The following ZNF628 variants were observed in gnomAD, a reference collection of about 807,000 sequenced individuals.
ZNF628 encodes zinc finger protein 628.
A neutral mutation model predicts 2.5 loss-of-function variants in ZNF628; 3 were observed. The observed-to-expected ratio is 1.19, with a 90% confidence interval of 0.54 to 3.07. ZNF628 has a LOEUF of 3.07. Ranked by LOEUF, ZNF628 falls within the 30% of genes most tolerant of loss-of-function variation. The pLI is 0.03. For missense variants in ZNF628, 1,610 were observed against 1,517.1 expected (o/e 1.06, Z -1.02); for synonymous variants, 861 against 717.1 (o/e 1.20, Z -3.21).
In ZNF628 at chr19:55,482,912, G is replaced by A; in HGVS notation, c.1719G>A (p.Lys573=). 1 of 1,609,060 alleles carries A rather than the reference G, an allele frequency of 6.2e-7. No individual in the cohort carries two copies. Among genetic ancestry groups the A allele is most frequent in the Non-Finnish European group, 8.5e-7 (1 of 1,178,652 alleles). ...CCCACGCCTGCGGTGTCTGCGGCAA[G>A]AGCTTCGCGCAGACCTCCAACCTGC... ...ERPHACGVCG[K]SFAQTSNLRQ... The change falls in exon 3 of 3, where the codon AAG becomes AAA. Residue 573 remains lysine, a synonymous_variant. Transcript: ENST00000598519.
rs1482771093 is a variant in ZNF628, at chr19:55,481,807, G to A, written c.614G>A (p.Arg205His). ...GTGCACACGGGCGAGCGGCCCTTCC[G>A]CTGCCCGCTCTGCCCCAAGACCTTC... The part of the protein sequence containing the change: ...QRVHTGERPF[R>H]CPLCPKTFTH... The change falls in exon 3 of 3, where the codon CGC becomes CAC. Residue 205 changes from arginine to histidine, a missense_variant. Arg to His is a conservative substitution (Grantham distance 29, BLOSUM62 0). This residue lies in a region of ZNF628 where 651 missense variants were observed against 575.6 expected (regional missense o/e 1.13). Transcript: ENST00000598519. 6.2e-7 allele frequency: 1 copy of A among 1,601,678 alleles called. No homozygotes were observed. The highest frequency in any genetic ancestry group is 1.1e-5 in the South Asian group (1 of 89,880).
Position 55,482,719 on chromosome 19 carries a change from C to T in ZNF628, c.1526C>T (p.Ala509Val), listed in dbSNP as rs1396184353. ...CAGCGGGTGCACACGGGCCTGCGGGCCTTCACCTGTGGCCAGTGCGGCCTC... is the reference window on the plus strand; with the variant it reads ...CAGCGGGTGCACACGGGCCTGCGGGTCTTCACCTGTGGCCAGTGCGGCCTC... ...IHQRVHTGLR[A>V]FTCGQCGLTF... Residue 509 changes from alanine (A) to valine (V), a missense_variant, in exon 3 of 3, where the codon GCC (alanine) becomes GTC (valine). Ala to Val is a moderately conservative substitution (Grantham distance 64). This residue lies in a region of ZNF628 where 651 missense variants were observed against 575.6 expected (regional missense o/e 1.13). Coordinates refer to ENST00000598519, the MANE Select transcript of ZNF628 (RefSeq NM_033113.3). 2 of 1,612,846 alleles carry T rather than the reference C, an allele frequency of 1.2e-6. No individual in the cohort carries two copies. The highest frequency in any genetic ancestry group is 2.2e-5 in the East Asian group (1 of 44,862).
At chr19:55,481,052 C>A in intron 2 of ZNF628, 149 bp from the exon 3 acceptor site, 2 of 1,065,266 alleles carry the variant, frequency 1.9e-6, no homozygotes, top group Non-Finnish European at 2.6e-6. Context: ...CAAACTGGGA[C>A]CATTGGAGAC....
chr19:55,477,894 A>C (rs963128144), intron 1 of ZNF628, among the ~76,000 whole-genome samples: 1 of 152,222 alleles, frequency 6.6e-6, no homozygotes, highest in African/African-American at 2.4e-5. Flanking sequence ...GATGGCATAC[A>C]ACAGTGAACC....
intron 1 of ZNF628, among the ~76,000 whole-genome samples, chr19:55,477,151 T>G (rs915284980): frequency 4.6e-5 from 7 of 152,130 alleles, no homozygotes; most frequent in Admixed American, 2.6e-4. Context: ...CTGGTTTAGC[T>G]CAACAAAAGT....
In ZNF628 at chr19:55,484,234, G is replaced by T; in HGVS notation, c.3041G>T (p.Gly1014Val). Residue 1014 changes from glycine to valine, a missense_variant, in exon 3 of 3, where the codon GGG (glycine) becomes GTG (valine). Gly to Val is a moderately radical substitution (Grantham distance 109). This residue lies in a region of ZNF628 where 712 missense variants were observed against 603.6 expected (regional missense o/e 1.18). Coordinates refer to ENST00000598519, the MANE Select transcript of ZNF628 (RefSeq NM_033113.3). ...PPSGPASGPAGLPGAPASQMV... is the reference protein window; with the variant it reads ...PPSGPASGPAVLPGAPASQMV... ...TCAGGCCCAGCCTCGGGCCCCGCGG[G>T]GCTCCCCGGGGCTCCAGCCTCCCAG... 1 of 1,547,624 alleles carries T rather than the reference G, an allele frequency of 6.5e-7. No homozygotes were observed.
chr19:55,484,175 C>T lies in ZNF628; in HGVS notation c.2982C>T (p.Gly994=), dbSNP rs1251790103. ...TGGACAGCAGCAACACTGGAGGAGG[C>T]ACCGCCACGCTGCAGCTCCTGGCCC... ...ELLDSSNTGG[G]TATLQLLAPP... Residue 994 remains glycine (G), a synonymous_variant, in exon 3 of 3, where the codon GGC becomes GGT. Coordinates refer to ENST00000598519, the MANE Select transcript of ZNF628 (RefSeq NM_033113.3). The T allele has an allele frequency of 6.4e-7, 1 of 1,558,078 alleles. No individual in the cohort carries two copies. Among genetic ancestry groups the T allele is most frequent in the South Asian group, 1.2e-5 (1 of 84,308 alleles).
chr19:55,483,050 G>A lies in ZNF628; in HGVS notation c.1857G>A (p.Glu619=), dbSNP rs375761117. 23 of 1,611,244 alleles carry A rather than the reference G, an allele frequency of 1.4e-5. No individual in the cohort carries two copies. Among genetic ancestry groups the A allele is most frequent in the Non-Finnish European group, 2.0e-5 (23 of 1,179,480 alleles). Residue 619 remains glutamate, a synonymous_variant, in exon 3 of 3, where the codon GAG becomes GAA. Coordinates refer to ENST00000598519, the MANE Select transcript of ZNF628 (RefSeq NM_033113.3). The part of the protein sequence containing the change: ...LLLHQRTHSA[E]RPFTCPICGR... ...TGCACCAGCGCACGCACTCGGCGGAGCGCCCCTTCACCTGCCCCATCTGCG... is the reference window on the plus strand; with the variant it reads ...TGCACCAGCGCACGCACTCGGCGGAACGCCCCTTCACCTGCCCCATCTGCG...
intron 1 of ZNF628, among the ~76,000 whole-genome samples, chr19:55,477,229 G>A (rs1986575490): frequency 6.6e-6 from 1 of 152,072 alleles, no homozygotes. Flanking sequence ...GGTGTGGCGC[G>A]GCCTTTTAAA....
At chr19:55,478,366 AAG>A (rs1251151300) in intron 1 of ZNF628, among the ~76,000 whole-genome samples, 3 of 152,216 alleles carry the variant, frequency 2.0e-5, no homozygotes, top group African/African-American at 7.2e-5. Context: ...TCGGAGGTGA[AAG>A]AGCGAGTGGC....
Position 55,483,436 on chromosome 19 carries a change from C to T in ZNF628, c.2243C>T (p.Ser748Phe), listed in dbSNP as rs573054458. Residue 748 changes from serine (S) to phenylalanine (F), a missense_variant, in exon 3 of 3, where the codon TCC becomes TTC. Coordinates refer to ENST00000598519, the MANE Select transcript of ZNF628 (RefSeq NM_033113.3). ...CCCAAGCTCATCCTGCTGCCCTCCT[C>T]CAGTGCTGGGGCTGGGGGCGGCCGT... ...APPKLILLPS[S>F]SAGAGGGRAR... The T allele has an allele frequency of 3.3e-6, 5 of 1,516,704 alleles. No homozygotes were observed. The African/African-American group carries it at 4.1e-5, about 13-fold the overall frequency. 94.0% of individuals were successfully genotyped at this position (1,516,704 alleles called of 1,614,324 possible).
chr19:55,477,141 C>T (rs1178447376), intron 1 of ZNF628, among the ~76,000 whole-genome samples: 1 of 152,204 alleles, frequency 6.6e-6, no homozygotes, highest in Non-Finnish European at 1.5e-5. Context: ...AAAGCGATCC[C>T]TGGTTTAGCT....
rs746892879 is a variant in ZNF628 at position 55,481,222 on chromosome 19, C to T, written c.29C>T (p.Ala10Val). ...CCAGGTGTGATGGTCGGCTCCCACG[C>T]GGACATGGCGCCGGCCTCTACTGCG... MSGVMVGSH[A>V]DMAPASTAEG... Residue 10 changes from alanine to valine, a missense_variant, in exon 3 of 3, where the codon GCG (alanine) becomes GTG (valine). Coordinates refer to ENST00000598519, the MANE Select transcript of ZNF628 (RefSeq NM_033113.3). 2 of 1,560,786 alleles carry T rather than the reference C, an allele frequency of 1.3e-6. No homozygotes were observed. Among genetic ancestry groups the T allele is most frequent in the South Asian group, 1.2e-5 (1 of 85,678 alleles).
In ZNF628 at chr19:55,483,749, C is replaced by G. The variant is rs1166346618; in HGVS notation, c.2556C>G (p.Thr852=). The stretch of plus-strand genomic sequence containing the variant: ...AGCTCCAGCCAGCACAGGAAGTAAC[C>G]ACGGTCCAGCTCCAGCCAGCACAGG... ...TVQLQPAQEV[T]TVQLQPAQEV... is the part of the protein sequence containing the mutation. Residue 852 remains threonine (T), a synonymous_variant, in exon 3 of 3, where the codon ACC becomes ACG. Coordinates refer to ENST00000598519, the MANE Select transcript of ZNF628 (RefSeq NM_033113.3). 1.2e-6 allele frequency: 2 copies of G among 1,612,914 alleles called. No homozygotes were observed. The highest frequency in any genetic ancestry group is 1.7e-6 in the Non-Finnish European group (2 of 1,179,286).
At position 55,483,125 on chromosome 19, in the gene ZNF628, C is replaced by G; in HGVS notation, c.1932C>G (p.His644Gln). 6.3e-7 allele frequency: 1 copy of G among 1,592,902 alleles called. No individual in the cohort carries two copies. The highest frequency in any genetic ancestry group is 8.5e-7 in the Non-Finnish European group (1 of 1,175,020). Reference sequence around the variant, plus strand: ...ATCTGCAGCGGCACCTGAGGACGCACGCCCCGGCCAACACGCCTCCCAGCA... The same window carrying G: ...ATCTGCAGCGGCACCTGAGGACGCAGGCCCCGGCCAACACGCCTCCCAGCA... ...AAYLQRHLRT[H>Q]APANTPPSTT... Residue 644 changes from histidine (H) to glutamine (Q), a missense_variant, in exon 3 of 3, where the codon CAC becomes CAG. His to Gln is a conservative substitution (Grantham distance 24, BLOSUM62 0). Coordinates refer to ENST00000598519, the MANE Select transcript of ZNF628 (RefSeq NM_033113.3).
chr19:55,481,118 T>A, intron 2 of ZNF628, 83 bp from the exon 3 acceptor site: 1 of 1,436,516 alleles, frequency 7.0e-7, no homozygotes. Flanking sequence ...GTAGTCCCTG[T>A]CCCTTAAAGA....
chr19:55,483,345 G>T lies in ZNF628; in HGVS notation c.2152G>T (p.Ala718Ser), dbSNP rs754242363. 6.5e-7 allele frequency: 1 copy of T among 1,540,246 alleles called. No homozygotes were observed. Among genetic ancestry groups the T allele is most frequent in the South Asian group, 1.2e-5 (1 of 83,654 alleles). ...NSQTFLLVQT[A>S]QGLQLIPSSV... ...TCAGACGTTCCTCCTGGTGCAAACT[G>T]CCCAGGGCCTCCAGCTGATCCCCAG... Residue 718 changes from alanine (A) to serine (S), a missense_variant, in exon 3 of 3, where the codon GCC (alanine) becomes TCC (serine). Around this residue, in one of 5 missense-constraint regions of ZNF628, gnomAD observed 712 missense variants for 603.6 expected, o/e 1.18. Coordinates refer to ENST00000598519, the MANE Select transcript of ZNF628 (RefSeq NM_033113.3).
chr19:55,477,538 G>A (rs1220561721), intron 1 of ZNF628, among the ~76,000 whole-genome samples: 4 of 151,950 alleles, frequency 2.6e-5, no homozygotes, highest in African/African-American at 9.7e-5. Flanking sequence ...GAGGCGGGCG[G>A]ATCACTTGAG....
chr19:55,482,377 T>C lies in ZNF628; in HGVS notation c.1184T>C (p.Phe395Ser). ...AFRCGSCDGS[F>S]PQLASLLAHQ... ...CGCTGCGGCAGCTGCGACGGCTCCTTCCCGCAGCTGGCCAGCCTCCTGGCG... is the reference window on the plus strand; with the variant it reads ...CGCTGCGGCAGCTGCGACGGCTCCTCCCCGCAGCTGGCCAGCCTCCTGGCG... Residue 395 changes from phenylalanine to serine, a missense_variant, in exon 3 of 3, where the codon TTC becomes TCC. Transcript: ENST00000598519. 7.0e-7 allele frequency: 1 copy of C among 1,426,862 alleles called. No homozygotes were observed. Among genetic ancestry groups the C allele is most frequent in the Non-Finnish European group, 9.1e-7 (1 of 1,093,556 alleles). The allele number at this position is 1,426,862 out of a possible 1,614,324, so 88.4% of individuals were successfully genotyped here.
Sources: gnomAD v4.1 joint callset for allele counts (sites outside exome capture counted in the v4.1 genomes callset) on GRCh38, gnomAD v4.1.1 for gene constraint, gnomAD v4.1.1 regional missense constraint, MANE v1.5 for transcripts, NCBI Gene and HGNC (gene_info 2026-07-23, HGNC 2026-07-21) for gene names.